The following NTRK2 variants were observed in gnomAD, a reference collection of about 807,000 sequenced individuals.
NTRK2 encodes the protein BDNF/NT-3 growth factors receptor.
NTRK2 carries 13 observed loss-of-function variants against 94.5 expected under a neutral mutation model. The ratio of observed to expected loss-of-function variants is 0.14; its 90% confidence interval spans 0.09 to 0.22. NTRK2 has a LOEUF of 0.22. Among genes scored for constraint, NTRK2 ranks in the 10% least tolerant of loss-of-function variants. The pLI is 1.00. For missense variants in NTRK2, 639 were observed against 1,071.2 expected (o/e 0.60, Z 5.63); for synonymous variants, 372 against 407.4 (o/e 0.91, Z 1.05).
At chr9:84,734,973 T>C (rs1428020922) in intron 9 of NTRK2, among the ~76,000 whole-genome samples, 2 of 152,178 alleles carry the variant, frequency 1.3e-5, no homozygotes. Context: ...ATTTGGAATG[T>C]AGCCTAGAAA....
chr9:84,913,221 G>A (rs1039772175), intron 14 of NTRK2, among the ~76,000 whole-genome samples: 2 of 151,818 alleles, frequency 1.3e-5, no homozygotes, highest in Non-Finnish European at 2.9e-5. Flanking sequence ...CTCTTTGTAT[G>A]CCCTTTTTAG....
chr9:84,721,378 A>G (rs1216891327), intron 6 of NTRK2, among the ~76,000 whole-genome samples: 1 of 151,994 alleles, frequency 6.6e-6, no homozygotes, highest in African/African-American at 2.4e-5. Flanking sequence ...GGGTTTCACT[A>G]TGTTGTTTAG....
chr9:84,870,535 A>G lies in NTRK2; in HGVS notation c.1633+3104A>G, dbSNP rs188797316. On this transcript the variant is annotated intron_variant, in intron 14 of 18. Coordinates refer to ENST00000277120, the MANE Select transcript of NTRK2 (RefSeq NM_006180.6). Reference sequence around the variant, plus strand: ...TTTATTTTTCGTTTTCATTTTTTGTAGAGATATGGTTCTCATTATGTTGCC... The same window carrying G: ...TTTATTTTTCGTTTTCATTTTTTGTGGAGATATGGTTCTCATTATGTTGCC... Among the ~76,000 whole-genome samples, 5 of 150,462 alleles carry G rather than the reference A, an allele frequency of 3.3e-5. No homozygotes were observed. The East Asian group carries it at 9.9e-4, about 30-fold the overall frequency.
chr9:84,778,219 T>A (rs1375275315), intron 12 of NTRK2, among the ~76,000 whole-genome samples: 1 of 151,664 alleles, frequency 6.6e-6, no homozygotes, highest in Non-Finnish European at 1.5e-5. Context: ...GCCGAGATCA[T>A]ACCACTGTAC....
intron 12 of NTRK2, among the ~76,000 whole-genome samples, chr9:84,853,738 C>A (rs1425619177): frequency 6.6e-6 from 1 of 152,142 alleles, no homozygotes; most frequent in Non-Finnish European, 1.5e-5. Flanking sequence ...TCTCACCACC[C>A]CAGCACTTGA....
chr9:84,872,182 G>A (rs919315265), intron 14 of NTRK2: 24 of 1,155,498 alleles, frequency 2.1e-5, no homozygotes, highest in African/African-American at 6.1e-5. Flanking sequence ...AGCACGGGGT[G>A]GTTTCCCAGT....
chr9:84,914,464 T>C (rs989523307), intron 14 of NTRK2, among the ~76,000 whole-genome samples: 1 of 152,150 alleles, frequency 6.6e-6, no homozygotes, highest in Non-Finnish European at 1.5e-5. Context: ...AACCTTCTGT[T>C]TGAGATGGTT....
At chr9:84,790,974 G>A (rs916808825) in intron 12 of NTRK2, among the ~76,000 whole-genome samples, 4 of 152,206 alleles carry the variant, frequency 2.6e-5, no homozygotes, top group Admixed American at 1.3e-4. Context: ...CATTGGCCCC[G>A]TGGGCTTGCC....
chr9:84,795,963 T>A (rs982463538), intron 12 of NTRK2, among the ~76,000 whole-genome samples: 1 of 152,088 alleles, frequency 6.6e-6, no homozygotes, highest in African/African-American at 2.4e-5. Flanking sequence ...CTTTTCTTTT[T>A]TTTTTTTTTG....
intron 14 of NTRK2, among the ~76,000 whole-genome samples, chr9:84,923,687 C>A (rs779101552): frequency 6.6e-6 from 1 of 151,976 alleles, no homozygotes; most frequent in African/African-American, 2.4e-5. Context: ...AAGGACGAGG[C>A]GGGCAGATCA....
At chr9:84,755,897 A>G (rs974039737) in intron 12 of NTRK2, among the ~76,000 whole-genome samples, 10 of 152,114 alleles carry the variant, frequency 6.6e-5, no homozygotes, top group African/African-American at 2.2e-4. Flanking sequence ...CTGTTTCCAT[A>G]AAGATGTCAA....
At chr9:84,817,417 C>T (rs1253520749) in intron 12 of NTRK2, among the ~76,000 whole-genome samples, 1 of 152,210 alleles carries the variant, frequency 6.6e-6, no homozygotes, top group Non-Finnish European at 1.5e-5. Flanking sequence ...CCAATTCTTA[C>T]ACACTGATTC....
intron 17 of NTRK2, among the ~76,000 whole-genome samples, chr9:84,989,731 A>G (rs1828806904): frequency 1.3e-5 from 2 of 152,228 alleles, no homozygotes; most frequent in Admixed American, 1.3e-4. Flanking sequence ...CTCCTTGTCC[A>G]GTGTTTTTTC....
At position 84,926,497 on chromosome 9, in the gene NTRK2, G is replaced by T. The variant is rs144896785; in HGVS notation, c.1634-7665G>T. 9.4e-3 allele frequency among the ~76,000 whole-genome samples: 1,423 copies of T among 152,086 alleles called. 24 individuals carry two copies. Among genetic ancestry groups the T allele is most frequent in the African/African-American group, 0.032 (1,319 of 41,494 alleles). On this transcript the variant is annotated intron_variant, in intron 14 of 18. Transcript: ENST00000277120. ...TCTGCCCTCCTCGGCCTCCCAAAGT[G>T]CTGGGATTACAGGCATGAGCCACCG...
At chr9:84,915,056 C>T (rs1294478715) in intron 14 of NTRK2, among the ~76,000 whole-genome samples, 2 of 152,094 alleles carry the variant, frequency 1.3e-5, no homozygotes, top group African/African-American at 4.8e-5. Flanking sequence ...CAATCTAGAT[C>T]CGTCGTATGC....
intron 12 of NTRK2, chr9:84,814,583 A>C: frequency 1.9e-6 from 2 of 1,065,828 alleles, no homozygotes; most frequent in East Asian, 9.9e-5. Flanking sequence ...GATACTACAC[A>C]AGACCTGTGC....
intron 17 of NTRK2, among the ~76,000 whole-genome samples, chr9:84,970,462 T>A (rs920802716): frequency 1.3e-5 from 2 of 152,106 alleles, no homozygotes; most frequent in African/African-American, 2.4e-5. Context: ...AAGGATTAAG[T>A]GCACCTTAAA....
chr9:84,786,663 T>C (rs560000944), intron 12 of NTRK2, among the ~76,000 whole-genome samples: 2 of 152,200 alleles, frequency 1.3e-5, no homozygotes, highest in East Asian at 3.9e-4. Flanking sequence ...AAAACTTAAA[T>C]AGGTTCAGTG....
At chr9:85,001,548 G>A (rs1435638637) in intron 17 of NTRK2, among the ~76,000 whole-genome samples, 2 of 103,766 alleles carry the variant, frequency 1.9e-5, no homozygotes, top group African/African-American at 4.2e-5. Flanking sequence ...ATCTTTATGA[G>A]GAATTCTCTT....
Sources: gnomAD v4.1 joint callset for allele counts (sites outside exome capture counted in the v4.1 genomes callset) on GRCh38, gnomAD v4.1.1 for gene constraint, MANE v1.5 for transcripts, NCBI Gene and HGNC (gene_info 2026-07-23, HGNC 2026-07-21) for gene names.